The following CALD1 variants were observed in gnomAD, a reference collection of about 807,000 sequenced individuals.
CALD1 encodes caldesmon 1.
Under a neutral mutation model 99.9 loss-of-function variants are expected in CALD1, and 33 were observed. The observed-to-expected ratio is 0.33, with a 90% confidence interval of 0.25 to 0.44. The LOEUF (loss-of-function observed/expected upper bound fraction) is 0.44. Among genes scored for constraint, CALD1 ranks in the 20% least tolerant of loss-of-function variants. The pLI, the probability that CALD1 is intolerant of heterozygous loss-of-function variation, is 1.00. For missense variants in CALD1, 861 were observed against 962.1 expected (o/e 0.89, Z 1.39); for synonymous variants, 310 against 325.0 (o/e 0.95, Z 0.50).
Position 134,780,009 on chromosome 7 carries a change from G to A in CALD1, c.-130+260G>A, listed in dbSNP as rs114941950. Among the ~76,000 whole-genome samples the A allele has an allele frequency of 5.0e-3, 760 of 152,222 alleles. 5 individuals are homozygous for A. Among genetic ancestry groups the A allele is most frequent in the African/African-American group, 0.017 (719 of 41,528 alleles). ...TAGAGACTTACATTTAGGGAACACT[G>A]GCAACTTTGATTAGGATAGCCTTTT... On this transcript the variant is annotated intron_variant, in intron 1 of 14. Transcript: ENST00000361675.
chr7:134,876,191 C>T (rs1426616947), intron 3 of CALD1, among the ~76,000 whole-genome samples: 2 of 152,136 alleles, frequency 1.3e-5, no homozygotes, highest in South Asian at 2.1e-4. Context: ...AACCTCCGTC[C>T]GCAGACCTCC....
At chr7:134,907,575 T>A (rs1803486986) in intron 3 of CALD1, among the ~76,000 whole-genome samples, 1 of 152,168 alleles carries the variant, frequency 6.6e-6, no homozygotes, top group Admixed American at 6.5e-5. Flanking sequence ...GCAAGTAAAA[T>A]TTCCTTGATG....
chr7:134,850,617 A>G (rs1185781299), intron 2 of CALD1, among the ~76,000 whole-genome samples: 3 of 152,222 alleles, frequency 2.0e-5, no homozygotes, highest in African/African-American at 7.2e-5. Context: ...AATGAAAGCT[A>G]TATGGGATTG....
chr7:134,924,632 A>T (rs12707189), intron 3 of CALD1, among the ~76,000 whole-genome samples: 63,031 of 151,998 alleles, frequency 0.41, 14,141 homozygotes, highest in East Asian at 0.87. Flanking sequence ...AAACCATTTT[A>T]GCTCTTTTTT....
Position 134,933,646 on chromosome 7 carries a change from G to C in CALD1, c.877G>C (p.Ala293Pro), listed in dbSNP as rs147336538. ...EQDKKIADER[A>P]RIEAEEKAAA... ...AGACAAAAAGATAGCAGATGAACGA[G>C]CAAGAATTGAAGCAGAAGAAAAAGC... The change falls in exon 5 of 15, where the codon GCA (alanine) becomes CCA (proline). Residue 293 changes from alanine (A) to proline (P), a missense_variant. Coordinates refer to ENST00000361675, the MANE Select transcript of CALD1 (RefSeq NM_033138.4). The C allele has an allele frequency of 1.2e-4, 191 of 1,607,082 alleles. 1 individual carries two copies. In the African/African-American group the frequency reaches 2.5e-3, roughly 21 times the overall value.
intron 1 of CALD1, among the ~76,000 whole-genome samples, chr7:134,769,844 G>C (rs921841740): frequency 6.6e-6 from 1 of 152,128 alleles, no homozygotes; most frequent in African/African-American, 2.4e-5. Flanking sequence ...CACCATTTTG[G>C]CCAGGCTGGT....
chr7:134,766,608 C>T (rs898060388), intron 1 of CALD1, among the ~76,000 whole-genome samples: 3 of 152,164 alleles, frequency 2.0e-5, no homozygotes, highest in Non-Finnish European at 4.4e-5. Context: ...GCTTCATATG[C>T]ATTTTATTTC....
intron 1 of CALD1, among the ~76,000 whole-genome samples, chr7:134,820,547 G>A (rs1047692494): frequency 6.6e-6 from 1 of 152,156 alleles, no homozygotes; most frequent in African/African-American, 2.4e-5. Context: ...ATATTACAAG[G>A]AGAAAAATCA....
chr7:134,755,993 A>T, intron 1 of CALD1, among the ~76,000 whole-genome samples: 1 of 152,200 alleles, frequency 6.6e-6, no homozygotes, highest in Admixed American at 6.5e-5. Flanking sequence ...CCAACAAATT[A>T]TTGAATAGAC....
the CALD1 span, among the ~76,000 whole-genome samples, chr7:134,717,615 T>C: frequency 1.1e-4 from 17 of 152,326 alleles, no homozygotes; most frequent in South Asian, 3.1e-3. Context: ...GACTGGAGCA[T>C]TCGCCCGCCT....
chr7:134,729,460 G>A, the CALD1 span, among the ~76,000 whole-genome samples: 1 of 152,232 alleles, frequency 6.6e-6, no homozygotes, highest in Non-Finnish European at 1.5e-5. Context: ...TGGTGGCACA[G>A]GGCACAGGGC....
chr7:134,758,501 G>GGTGTGTGTGTGTGTGTGT lies in CALD1; in HGVS notation c.-130+14159_-130+14176dup, dbSNP rs59389296. 2.0e-4 allele frequency among the ~76,000 whole-genome samples: 29 copies of GGTGTGTGTGTGTGTGTGT among 145,218 alleles called. No individual in the cohort carries two copies. In the East Asian group the frequency reaches 4.8e-3, roughly 24 times the overall value. On this transcript the variant is annotated intron_variant, in intron 1 of 13. Transcript: ENST00000417172. ...TTTAAATATCTGCAGCTCCCATTGG[G>GGTGTGTGTGTGTGTGTGT]GTGTGTGTGTGTGTGTGTGTGTGTG... is the stretch of plus-strand genomic sequence containing the variant.
chr7:134,778,157 G>C (rs1488761172), upstream of CALD1, among the ~76,000 whole-genome samples: 1 of 152,222 alleles, frequency 6.6e-6, no homozygotes, highest in African/African-American at 2.4e-5. Flanking sequence ...CAGTCAGGAA[G>C]AGGGGAGGGA....
chr7:134,736,238 T>A, the CALD1 span, among the ~76,000 whole-genome samples: 1 of 152,148 alleles, frequency 6.6e-6, no homozygotes, highest in South Asian at 2.1e-4. Context: ...ATGAAGAGAA[T>A]AAGTGTATTA....
chr7:134,958,489 A>G (rs565488706), intron 11 of CALD1, among the ~76,000 whole-genome samples, 199 bp downstream of exon 11: 1 of 150,250 alleles, frequency 6.7e-6, no homozygotes, highest in Non-Finnish European at 1.5e-5. Context: ...GCTCACTGCA[A>G]CGTCTGCCTC....
intron 3 of CALD1, among the ~76,000 whole-genome samples, chr7:134,903,644 T>C (rs1372655651): frequency 6.6e-6 from 1 of 152,084 alleles, no homozygotes. Flanking sequence ...TGTCTCCCTG[T>C]GTCTCTTCTT....
At chr7:134,900,719 T>G (rs1802929427) in intron 3 of CALD1, among the ~76,000 whole-genome samples, 1 of 152,126 alleles carries the variant, frequency 6.6e-6, no homozygotes, top group Non-Finnish European at 1.5e-5. Context: ...ACATCTGTTG[T>G]CTGTCTTATA....
intron 2 of CALD1, among the ~76,000 whole-genome samples, chr7:134,859,589 C>A (rs911459314): frequency 6.6e-6 from 1 of 152,196 alleles, no homozygotes; most frequent in South Asian, 2.1e-4. Context: ...AGTCTAAATG[C>A]CAATCCTGGT....
intron 1 of CALD1, among the ~76,000 whole-genome samples, chr7:134,838,727 T>C (rs1184261237): frequency 6.6e-6 from 1 of 152,236 alleles, no homozygotes; most frequent in African/African-American, 2.4e-5. Context: ...GCAGAGTACA[T>C]TGATTTGTAT....
Sources: gnomAD v4.1 joint callset for allele counts (sites outside exome capture counted in the v4.1 genomes callset) on GRCh38, gnomAD v4.1.1 for gene constraint, MANE v1.5 for transcripts, NCBI Gene and HGNC (gene_info 2026-07-23, HGNC 2026-07-21) for gene names.